PDE1A: variants seen among roughly 807,000 people sequenced by gnomAD.
PDE1A encodes phosphodiesterase 1A.
Under a neutral mutation model 61.7 loss-of-function variants are expected in PDE1A, and 35 were observed. The observed-to-expected ratio is 0.57, with a 90% CI of 0.43 to 0.75. The LOEUF (loss-of-function observed/expected upper bound fraction) is 0.75. Among genes scored for constraint, PDE1A ranks in the 30% least tolerant of loss-of-function variants. The pLI is 0.00. For synonymous variants in PDE1A, 232 were observed against 213.2 expected (o/e 1.09, Z -0.77); for missense variants, 597 against 630.6 (o/e 0.95, Z 0.57).
At chr2:182,385,965 T>A (rs1701045270) in intron 1 of PDE1A, among the ~76,000 whole-genome samples, 1 of 152,152 alleles carries the variant, frequency 6.6e-6, no homozygotes, top group South Asian at 2.1e-4. Context: ...CCCTGCCTGA[T>A]TCTTCTGCCT....
chr2:182,300,679 G>A (rs1269872114), intron 1 of PDE1A, among the ~76,000 whole-genome samples: 1 of 152,178 alleles, frequency 6.6e-6, no homozygotes, highest in Non-Finnish European at 1.5e-5. Context: ...AATTATAGAA[G>A]TAGGCACAAA....
At chr2:182,675,297 T>G in the PDE1A span, among the ~76,000 whole-genome samples, 1 of 152,212 alleles carries the variant, frequency 6.6e-6, no homozygotes, top group African/African-American at 2.4e-5. Flanking sequence ...TCATTGTTTT[T>G]TATGGCTGCA....
chr2:182,659,839 A>G, the PDE1A span, among the ~76,000 whole-genome samples: 2 of 152,246 alleles, frequency 1.3e-5, no homozygotes, highest in South Asian at 4.1e-4. Flanking sequence ...AATAAAAACC[A>G]CATCTCAAAG....
At chr2:182,270,571 TAAAA>T (rs1026641441) in intron 1 of PDE1A, among the ~76,000 whole-genome samples, 1 of 151,206 alleles carries the variant, frequency 6.6e-6, no homozygotes, top group Non-Finnish European at 1.5e-5. Flanking sequence ...ATTCAATAAA[TAAAA>T]TTTATTAAAA....
downstream of PDE1A, among the ~76,000 whole-genome samples, chr2:182,145,659 G>A (rs925084008): frequency 1.3e-5 from 2 of 152,052 alleles, no homozygotes; most frequent in Non-Finnish European, 2.9e-5. Flanking sequence ...AACCTGGGAG[G>A]CAGAGGTTGC....
At chr2:182,321,781 A>G (rs1193417418) in intron 1 of PDE1A, among the ~76,000 whole-genome samples, 1 of 152,068 alleles carries the variant, frequency 6.6e-6, no homozygotes. Flanking sequence ...AAACCTTCCC[A>G]TTGCCCCTTC....
intron 1 of PDE1A, among the ~76,000 whole-genome samples, chr2:182,375,854 C>T (rs1216599499): frequency 6.6e-6 from 1 of 152,230 alleles, no homozygotes; most frequent in Non-Finnish European, 1.5e-5. Context: ...CAATTCTTCA[C>T]TTCTGTGAAC....
At chr2:182,545,623 C>A in the PDE1A span, among the ~76,000 whole-genome samples, 1 of 152,152 alleles carries the variant, frequency 6.6e-6, no homozygotes, top group Non-Finnish European at 1.5e-5. Flanking sequence ...GCCTAGGGTT[C>A]ATAACATTGC....
intron 13 of PDE1A, among the ~76,000 whole-genome samples, chr2:182,182,835 C>A (rs1465890889): frequency 6.6e-6 from 1 of 151,908 alleles, no homozygotes; most frequent in Admixed American, 6.6e-5. Flanking sequence ...CTCTTTCTAA[C>A]CTCCATTGTG....
intron 2 of PDE1A, among the ~76,000 whole-genome samples, chr2:182,251,431 C>T (rs755923198): frequency 6.6e-6 from 1 of 152,044 alleles, no homozygotes; most frequent in Non-Finnish European, 1.5e-5. Context: ...CTCATTGTGA[C>T]ATCATCTAGA....
the PDE1A span, among the ~76,000 whole-genome samples, chr2:182,568,526 C>T: frequency 1.3e-5 from 2 of 152,006 alleles, no homozygotes; most frequent in Admixed American, 6.6e-5. Context: ...GTTAGCCAGG[C>T]GCAGTGGCGG....
the PDE1A span, among the ~76,000 whole-genome samples, chr2:182,687,207 T>G: frequency 3.3e-5 from 5 of 152,176 alleles, no homozygotes; most frequent in African/African-American, 1.2e-4. Context: ...GCACGGAGTT[T>G]GAGATCTGAG....
intron 4 of PDE1A, among the ~76,000 whole-genome samples, chr2:182,232,973 A>C (rs966880257): frequency 1.3e-5 from 2 of 152,234 alleles, no homozygotes; most frequent in African/African-American, 4.8e-5. Flanking sequence ...CTCAGAAAAT[A>C]AGAATTATTT....
At chr2:182,180,169 G>A (rs1373121306) in intron 13 of PDE1A, among the ~76,000 whole-genome samples, 1 of 152,080 alleles carries the variant, frequency 6.6e-6, no homozygotes, top group Non-Finnish European at 1.5e-5. Flanking sequence ...TATGTTAGTA[G>A]ATGCATTTTA....
intron 5 of PDE1A, 84 bp downstream of exon 5, chr2:182,230,931 T>C (rs1402399518): frequency 4.2e-6 from 3 of 719,780 alleles, no homozygotes; most frequent in Non-Finnish European, 7.3e-6. Context: ...AATGAATTGC[T>C]TAATTACTCA....
At chr2:182,710,723 A>G in the PDE1A span, among the ~76,000 whole-genome samples, 1 of 152,180 alleles carries the variant, frequency 6.6e-6, no homozygotes, top group Non-Finnish European at 1.5e-5. Context: ...ATTCCATGGT[A>G]TATATACCAC....
At chr2:182,446,220 G>C (rs1685121852) in intron 2 of PDE1A, among the ~76,000 whole-genome samples, 1 of 152,102 alleles carries the variant, frequency 6.6e-6, no homozygotes, top group African/African-American at 2.4e-5. Flanking sequence ...ATGCTGGCCA[G>C]ATGAAAAGCA....
chr2:182,502,686 C>T (rs1310634125), intron 2 of PDE1A, among the ~76,000 whole-genome samples: 1 of 152,116 alleles, frequency 6.6e-6, no homozygotes, highest in African/African-American at 2.4e-5. Flanking sequence ...TCAACAATCC[C>T]TTTTCCACAC....
chr2:182,592,332 C>T, the PDE1A span, among the ~76,000 whole-genome samples: 4 of 152,192 alleles, frequency 2.6e-5, no homozygotes, highest in Admixed American at 6.5e-5. Flanking sequence ...TGCTCATGCA[C>T]AAGCATATTC....
Sources: gnomAD v4.1 joint callset for allele counts (sites outside exome capture counted in the v4.1 genomes callset) on GRCh38, gnomAD v4.1.1 for gene constraint, MANE v1.5 for transcripts, NCBI Gene and HGNC (gene_info 2026-07-23, HGNC 2026-07-21) for gene names.